MAPK1IP1L: variants seen among roughly 807,000 people sequenced by gnomAD.
MAPK1IP1L encodes mitogen-activated protein kinase 1 interacting protein 1 like.
In MAPK1IP1L, 10 loss-of-function variants were observed where a neutral mutation model predicts 18.1. That is an observed-to-expected ratio of 0.55 (90% CI 0.34 to 0.94). MAPK1IP1L has a LOEUF of 0.94. Among genes scored for constraint, MAPK1IP1L ranks in the 40% least tolerant of loss-of-function variants. MAPK1IP1L has a pLI of 0.02. For synonymous variants in MAPK1IP1L, 115 were observed against 117.3 expected, an observed-to-expected ratio of 0.98 and a Z score of 0.13; for missense variants, 260 against 318.2, an observed-to-expected ratio of 0.82 and a Z score of 1.39.
At chr14:55,062,465 T>G (rs1462437011) in intron 2 of MAPK1IP1L, among the ~76,000 whole-genome samples, 153 bp from the exon 3 acceptor site, 1 of 152,120 alleles carries the variant, frequency 6.6e-6, no homozygotes. Flanking sequence ...TTATGTTAAA[T>G]AGAGTATTTT....
At chr14:55,054,267 C>G (rs994870754) in intron 1 of MAPK1IP1L, among the ~76,000 whole-genome samples, 1 of 147,824 alleles carries the variant, frequency 6.8e-6, no homozygotes, top group South Asian at 2.2e-4. Context: ...CCTATCGAAG[C>G]GAAGTAGCTG....
chr14:55,059,743 G>A (rs1011267305), intron 1 of MAPK1IP1L, among the ~76,000 whole-genome samples: 1 of 152,122 alleles, frequency 6.6e-6, no homozygotes, highest in Non-Finnish European at 1.5e-5. Flanking sequence ...CTCTTCTCCA[G>A]CTGTAAACTG....
At chr14:55,056,740 A>T (rs1343904418) in intron 1 of MAPK1IP1L, among the ~76,000 whole-genome samples, 1 of 152,118 alleles carries the variant, frequency 6.6e-6, no homozygotes, top group East Asian at 1.9e-4. Flanking sequence ...CAATCTCCTG[A>T]CTTCGTGATC....
At position 55,063,270 on chromosome 14, in the gene MAPK1IP1L, C is replaced by T. The variant is rs2042834603; in HGVS notation, c.671C>T (p.Pro224Leu). ...TPGLYPTPSN[P>L]FQVPSGPSGA... ...GGACTCTATCCTACTCCCAGTAATCCTTTCCAAGTGCCTTCAGGACCTTCT... is the reference window on the plus strand; with the variant it reads ...GGACTCTATCCTACTCCCAGTAATCTTTTCCAAGTGCCTTCAGGACCTTCT... Residue 224 changes from proline (P) to leucine (L), a missense_variant, in exon 3 of 4, where the codon CCT (proline) becomes CTT (leucine). Pro to Leu is a moderately conservative substitution (Grantham distance 98). Coordinates refer to ENST00000395468, the MANE Select transcript of MAPK1IP1L (RefSeq NM_144578.4). The T allele has an allele frequency of 1.9e-6, 3 of 1,614,150 alleles. No homozygotes were observed. Among genetic ancestry groups the T allele is most frequent in the Non-Finnish European group, 8.5e-7 (1 of 1,180,002 alleles).
At position 55,069,923 on chromosome 14, in the gene MAPK1IP1L, G is replaced by A. The variant is rs571399948; in HGVS notation, c.*5296G>A. 1.3e-5 allele frequency: 2 copies of A among 152,244 alleles called. No homozygotes were observed. The highest frequency in any genetic ancestry group is 4.8e-5 in the African/African-American group (2 of 41,542). 9.4% of individuals were successfully genotyped at this position (152,244 alleles called of 1,614,324 possible). A position where few individuals can be genotyped will look rare whatever the true frequency, so the allele number is the denominator to read the frequency against. ...ATTAACTGCTACGCATTTAGTGAGG[G>A]TCACATTATTAAACTTGGAGTTTAC... On this transcript the variant is annotated 3_prime_UTR_variant, in exon 4 of 4. Coordinates refer to ENST00000395468, the MANE Select transcript of MAPK1IP1L (RefSeq NM_144578.4).
chr14:55,056,611 G>A (rs1055905530), intron 1 of MAPK1IP1L, among the ~76,000 whole-genome samples: 3 of 152,144 alleles, frequency 2.0e-5, no homozygotes, highest in African/African-American at 7.2e-5. Flanking sequence ...CTGGGTTCGC[G>A]CCATTCTCTT....
chr14:55,054,185 T>C (rs1376026268), intron 1 of MAPK1IP1L, among the ~76,000 whole-genome samples: 1 of 149,038 alleles, frequency 6.7e-6, no homozygotes, highest in African/African-American at 2.4e-5. Flanking sequence ...TTCTTTTTTT[T>C]TTTTTTTTTT....
chr14:55,068,606 ATATAT>A lies in MAPK1IP1L; in HGVS notation c.*3981_*3985del, dbSNP rs1345151234. The A allele has an allele frequency of 6.6e-6, 1 of 152,258 alleles. No individual in the cohort carries two copies. The highest frequency in any genetic ancestry group is 2.4e-5 in the African/African-American group (1 of 41,460). 9.4% of individuals were successfully genotyped at this position (152,258 alleles called of 1,614,324 possible). On this transcript the variant is annotated 3_prime_UTR_variant, in exon 4 of 4. Coordinates refer to ENST00000395468, the MANE Select transcript of MAPK1IP1L (RefSeq NM_144578.4). ...GCCTAAATTCAGATAAATCACACTG[ATATAT>A]TGTACTATGCATAGAAAGTTGTAGG... is the stretch of plus-strand genomic sequence containing the variant.
At chr14:55,056,422 A>G (rs1343898093) in intron 1 of MAPK1IP1L, among the ~76,000 whole-genome samples, 1 of 152,204 alleles carries the variant, frequency 6.6e-6, no homozygotes, top group Non-Finnish European at 1.5e-5. Flanking sequence ...AACTTACCGT[A>G]TATTTTCTAC....
rs556686286 is a variant in MAPK1IP1L at position 55,056,416 on chromosome 14, TAC to T, written c.-5+4614_-5+4615del. ...TAAAAAGCATGTTAGCCTTACAACT[TAC>T]CGTATATTTTCTACACTGTTAGTCC... On this transcript the variant is annotated intron_variant, in intron 1 of 3. Coordinates refer to ENST00000395468, the MANE Select transcript of MAPK1IP1L (RefSeq NM_144578.4). Among the ~76,000 whole-genome samples, 59 of 152,350 alleles carry T rather than the reference TAC, an allele frequency of 3.9e-4. 1 individual carries two copies. In the South Asian group the frequency reaches 8.5e-3, roughly 22 times the overall value.
chr14:55,054,972 A>G (rs1424455550), intron 1 of MAPK1IP1L, among the ~76,000 whole-genome samples: 1 of 152,264 alleles, frequency 6.6e-6, no homozygotes, highest in African/African-American at 2.4e-5. Context: ...ATGCTATAAA[A>G]TGGTAACAAA....
Position 55,066,456 on chromosome 14 carries a change from CTG to C in MAPK1IP1L, c.*1831_*1832del, listed in dbSNP as rs1164353589. Reference sequence around the variant, plus strand: ...TAGCTGTCTACAATACTGTTGAACTCTGTTGTCAAAGTAGCCCCCTTAGTCTA... The same window carrying C: ...TAGCTGTCTACAATACTGTTGAACTCTTGTCAAAGTAGCCCCCTTAGTCTA... On this transcript the variant is annotated 3_prime_UTR_variant, in exon 4 of 4. Transcript: ENST00000395468. 1 of 152,194 alleles carries C rather than the reference CTG, an allele frequency of 6.6e-6. No individual in the cohort carries two copies. The highest frequency in any genetic ancestry group is 1.5e-5 in the Non-Finnish European group (1 of 68,022). 9.4% of individuals were successfully genotyped at this position (152,194 alleles called of 1,614,324 possible).
chr14:55,053,078 C>T (rs2140256098), intron 1 of MAPK1IP1L, among the ~76,000 whole-genome samples: 1 of 152,274 alleles, frequency 6.6e-6, no homozygotes, highest in Non-Finnish European at 1.5e-5. Context: ...AGCTTCAGGT[C>T]ACATTTTGCC....
At chr14:55,052,971 C>A (rs1028960150) in intron 1 of MAPK1IP1L, among the ~76,000 whole-genome samples, 1 of 152,172 alleles carries the variant, frequency 6.6e-6, no homozygotes, top group Non-Finnish European at 1.5e-5. Flanking sequence ...AGAGATAACA[C>A]CCCCAGCAGA....
intron 2 of MAPK1IP1L, among the ~76,000 whole-genome samples, chr14:55,062,184 T>TA (rs1728494833): frequency 6.6e-6 from 1 of 152,232 alleles, no homozygotes. Context: ...TGTGAAAGTG[T>TA]ACTACATGAA....
At chr14:55,054,067 A>G (rs1205588093) in intron 1 of MAPK1IP1L, among the ~76,000 whole-genome samples, 1 of 152,094 alleles carries the variant, frequency 6.6e-6, no homozygotes, top group Non-Finnish European at 1.5e-5. Flanking sequence ...ATTTTTGAGC[A>G]TTTCAAAACC....
intron 1 of MAPK1IP1L, among the ~76,000 whole-genome samples, chr14:55,055,418 TC>T (rs2042763479): frequency 1.3e-5 from 2 of 152,154 alleles, no homozygotes; most frequent in South Asian, 4.1e-4. Context: ...TTCCCCCTTA[TC>T]CTAGGGGGAC....
In MAPK1IP1L at chr14:55,062,631, T is replaced by C. The variant is rs1442139063; in HGVS notation, c.32T>C (p.Leu11Pro). 1 of 1,612,116 alleles carries C rather than the reference T, an allele frequency of 6.2e-7. No homozygotes were observed. Among genetic ancestry groups the C allele is most frequent in the Non-Finnish European group, 8.5e-7 (1 of 1,178,952 alleles). The change falls in exon 3 of 4, where the codon CTA (leucine) becomes CCA (proline). Residue 11 changes from leucine to proline, a missense_variant. Coordinates refer to ENST00000395468, the MANE Select transcript of MAPK1IP1L (RefSeq NM_144578.4). MSDEFSLADA[L>P]PEHSPAKTSA... ...TTTGTGTTCCAGTTGGCAGATGCACTACCTGAACACTCCCCTGCCAAAACC... is the reference window on the plus strand; with the variant it reads ...TTTGTGTTCCAGTTGGCAGATGCACCACCTGAACACTCCCCTGCCAAAACC...
At chr14:55,058,924 T>G (rs2042792360) in intron 1 of MAPK1IP1L, among the ~76,000 whole-genome samples, 2 of 151,716 alleles carry the variant, frequency 1.3e-5, no homozygotes, top group South Asian at 4.1e-4. Flanking sequence ...TTAAGTATTA[T>G]AAATAATATA....
Sources: gnomAD v4.1 joint callset for allele counts (sites outside exome capture counted in the v4.1 genomes callset) on GRCh38, gnomAD v4.1.1 for gene constraint, MANE v1.5 for transcripts, NCBI Gene and HGNC (gene_info 2026-07-23, HGNC 2026-07-21) for gene names.